The following HNF4G variants were observed in gnomAD, a reference collection of about 807,000 sequenced individuals.
The protein encoded by HNF4G is hepatocyte nuclear factor 4 gamma.
A neutral mutation model predicts 50.9 loss-of-function variants in HNF4G; 21 were observed. The observed-to-expected ratio is 0.41, with a 90% CI of 0.29 to 0.59. The LOEUF (loss-of-function observed/expected upper bound fraction) is 0.59, where lower values mean the gene tolerates loss of function less well. HNF4G is among the 20% of genes least tolerant of loss of function. The pLI, the probability that HNF4G is intolerant of heterozygous loss-of-function variation, is 0.26. For missense variants in HNF4G, 527 were observed against 559.4 expected, an observed-to-expected ratio of 0.94 and a Z score of 0.58; for synonymous variants, 198 against 185.6, an observed-to-expected ratio of 1.07 and a Z score of -0.54.
rs1052308447 is a variant in HNF4G at position 75,488,509 on chromosome 8, C to T, written c.-143-1580C>T. ...GCCAGGTTGGTCTTGAACTTCTGAC[C>T]TCAAGTGATCTGCCCACCTCAGCTT... On this transcript the variant is annotated intron_variant, in intron 1 of 10. Coordinates refer to the HNF4G transcript ENST00000354370. Among the ~76,000 whole-genome samples the T allele has an allele frequency of 5.3e-5, 8 of 152,138 alleles. No homozygotes were observed. The South Asian group carries it at 1.7e-3, about 32-fold the overall frequency.
intron 2 of HNF4G, among the ~76,000 whole-genome samples, chr8:75,514,836 T>G (rs1585912325): frequency 6.6e-6 from 1 of 152,158 alleles, no homozygotes; most frequent in East Asian, 1.9e-4. Flanking sequence ...AAAATTATTT[T>G]CTGCCTTCAT....
intron 4 of HNF4G, among the ~76,000 whole-genome samples, chr8:75,551,812 T>C (rs1482471576): frequency 1.3e-5 from 2 of 152,208 alleles, no homozygotes; most frequent in Non-Finnish European, 2.9e-5. Flanking sequence ...ATTTTATTGA[T>C]GGAATCTGTA....
chr8:75,491,427 G>C (rs1341937826), intron 2 of HNF4G, among the ~76,000 whole-genome samples: 1 of 151,614 alleles, frequency 6.6e-6, no homozygotes, highest in Non-Finnish European at 1.5e-5. Flanking sequence ...ATAGAAATTT[G>C]AGAAGCACAA....
intron 1 of HNF4G, 129 bp from the exon 2 acceptor site, chr8:75,543,682 G>C: frequency 1.5e-6 from 1 of 673,896 alleles, no homozygotes. Flanking sequence ...GGGGTTAAAA[G>C]GAAAGCACCA....
chr8:75,448,295 AG>A (rs1296468874), intron 1 of HNF4G, among the ~76,000 whole-genome samples: 1 of 71,834 alleles, frequency 1.4e-5, no homozygotes, highest in Non-Finnish European at 2.5e-5. Flanking sequence ...GGGTGGGGGG[AG>A]GGGGGAGGGA....
intron 2 of HNF4G, among the ~76,000 whole-genome samples, chr8:75,534,558 T>C (rs1169399826): frequency 6.6e-6 from 1 of 151,906 alleles, no homozygotes; most frequent in Non-Finnish European, 1.5e-5. Flanking sequence ...TTTATTTGTA[T>C]AACTAGTTTT....
intron 1 of HNF4G, among the ~76,000 whole-genome samples, chr8:75,432,450 G>A (rs1442728086): frequency 6.6e-6 from 1 of 151,912 alleles, no homozygotes; most frequent in African/African-American, 2.4e-5. Context: ...CCAAGTAGCT[G>A]GGATTACGTC....
intron 1 of HNF4G, among the ~76,000 whole-genome samples, chr8:75,433,112 T>G (rs1811053706): frequency 6.6e-6 from 1 of 152,076 alleles, no homozygotes; most frequent in African/African-American, 2.4e-5. Flanking sequence ...CCATAGAAGC[T>G]ATAAGAAGGC....
At chr8:75,432,178 G>C (rs1811030721) in intron 1 of HNF4G, among the ~76,000 whole-genome samples, 1 of 151,956 alleles carries the variant, frequency 6.6e-6, no homozygotes, top group South Asian at 2.1e-4. Flanking sequence ...CTTGAGCCCA[G>C]GAGGTTGAGG....
intron 1 of HNF4G, among the ~76,000 whole-genome samples, chr8:75,422,450 G>A (rs1202706693): frequency 6.6e-6 from 1 of 152,136 alleles, no homozygotes; most frequent in Non-Finnish European, 1.5e-5. Flanking sequence ...AGGCCTCAGT[G>A]AATACTAGGT....
At chr8:75,560,763 A>G (rs1044774127) in intron 9 of HNF4G, among the ~76,000 whole-genome samples, 1 of 152,174 alleles carries the variant, frequency 6.6e-6, no homozygotes, top group Non-Finnish European at 1.5e-5. Flanking sequence ...AAAAACGACA[A>G]TGCAAGCTGA....
intron 1 of HNF4G, among the ~76,000 whole-genome samples, chr8:75,425,800 G>A (rs1322616352): frequency 1.3e-5 from 2 of 151,706 alleles, no homozygotes; most frequent in Non-Finnish European, 2.9e-5. Flanking sequence ...ATCTACTGTC[G>A]ATGGTTAATT....
At chr8:75,481,980 C>T (rs763988730) in intron 1 of HNF4G, among the ~76,000 whole-genome samples, 4 of 151,938 alleles carry the variant, frequency 2.6e-5, no homozygotes, top group Non-Finnish European at 5.9e-5. Context: ...TGGAAATGTT[C>T]GATAGCCTTT....
intron 2 of HNF4G, among the ~76,000 whole-genome samples, chr8:75,502,746 T>TA (rs1812964831): frequency 6.6e-6 from 1 of 152,174 alleles, no homozygotes; most frequent in Admixed American, 6.5e-5. Context: ...TAATTTGACC[T>TA]AAAAAATTTG....
intron 1 of HNF4G, among the ~76,000 whole-genome samples, chr8:75,423,335 CTTTTTTTTTT>C (rs34511777): frequency 5.3e-5 from 5 of 94,622 alleles, no homozygotes; most frequent in East Asian, 3.5e-4. Flanking sequence ...TTTTCTTTAT[CTTTTTTTTTT>C]TTTTTTTTTT....
At chr8:75,457,920 A>C (rs76942987) in intron 1 of HNF4G, among the ~76,000 whole-genome samples, 8,068 of 152,142 alleles carry the variant, frequency 0.053, 267 homozygotes, top group Non-Finnish European at 0.066. Context: ...AGTAGAGAAC[A>C]AAAAAGAAAG....
At chr8:75,515,644 A>G (rs1005877730) in intron 2 of HNF4G, among the ~76,000 whole-genome samples, 1 of 152,202 alleles carries the variant, frequency 6.6e-6, no homozygotes, top group Admixed American at 6.5e-5. Flanking sequence ...AATGTCCAAA[A>G]GCAGAAGAAA....
intron 1 of HNF4G, among the ~76,000 whole-genome samples, chr8:75,478,205 T>C (rs561616172): frequency 2.0e-5 from 3 of 152,090 alleles, no homozygotes; most frequent in Non-Finnish European, 4.4e-5. Flanking sequence ...TCCCAGCTCC[T>C]TGGTAGGTTG....
At chr8:75,552,515 A>T (rs922595528) in intron 4 of HNF4G, among the ~76,000 whole-genome samples, 6 of 152,026 alleles carry the variant, frequency 3.9e-5, no homozygotes, top group Non-Finnish European at 7.4e-5. Flanking sequence ...GCTGAGTCAC[A>T]CATTGGTTTT....
Sources: allele counts gnomAD v4.1 joint callset (sites outside exome capture counted in the v4.1 genomes callset), GRCh38; gene constraint gnomAD v4.1.1; transcripts MANE v1.5; gene names NCBI Gene and HGNC (gene_info 2026-07-23, HGNC 2026-07-21).